Variants in FASN observed in about 807,000 individuals in gnomAD.
FASN encodes fatty acid synthase.
Under a neutral mutation model 250.0 loss-of-function variants are expected in FASN, and 50 were observed. The observed-to-expected ratio is 0.20, with a 90% CI of 0.16 to 0.25. The LOEUF (loss-of-function observed/expected upper bound fraction) is 0.25. Ranked by LOEUF, FASN falls within the 10% of genes least tolerant of loss-of-function variation. FASN has a pLI of 1.00. For synonymous variants in FASN, 1,909 were observed against 1,584.0 expected, an observed-to-expected ratio of 1.21 and a Z score of -4.87; for missense variants, 3,031 against 3,498.5, an observed-to-expected ratio of 0.87 and a Z score of 3.37.
At position 82,092,958 on chromosome 17, in the gene FASN, G is replaced by A. The variant is rs138143493; in HGVS notation, c.717C>T (p.Ala239=). ...TCAGGATGGTGGCGTACACCCGCCG[G>A]GCCAGGGACTTCTTGGTCAGCAGGA... The part of the protein sequence containing the change: ...VAVLLTKKSL[A]RRVYATILNA... Residue 239 remains alanine, a synonymous_variant, in exon 6 of 43, where the codon GCC becomes GCT. Transcript: ENST00000306749. 3.9e-5 allele frequency: 63 copies of A among 1,611,698 alleles called. No individual in the cohort carries two copies. The African/African-American group carries it at 6.5e-4, about 17-fold the overall frequency.
chr17:82,079,245 C>A lies in FASN; in HGVS notation c.7434G>T (p.Glu2478Asp). Residue 2478 changes from glutamate (E) to aspartate (D), a missense_variant, in exon 43 of 43, where the codon GAG becomes GAT. Coordinates refer to ENST00000306749, the MANE Select transcript of FASN (RefSeq NM_004104.5). Reference protein sequence around the residue: ...CDGKVSVHVIEGDHRTLLEGS... With the variant: ...CDGKVSVHVIDGDHRTLLEGS... ...CCTCCAGCAGCGTGCGGTGGTCACC[C>A]TCGATGACGTGGACGGATACTTTCC... The A allele has an allele frequency of 1.2e-6, 2 of 1,613,040 alleles. No homozygotes were observed. The highest frequency in any genetic ancestry group is 1.7e-6 in the Non-Finnish European group (2 of 1,179,964).
rs774437854 is a variant in FASN at position 82,086,244 on chromosome 17, A to G, written c.3732+10T>C. ...CGGGGCAGAGGCCTGGCTGCCCAGGAGGCACCCACCTCCACCACCTTCATC... is the reference window on the plus strand; with the variant it reads ...CGGGGCAGAGGCCTGGCTGCCCAGGGGGCACCCACCTCCACCACCTTCATC... On this transcript the variant is annotated intron_variant, in intron 22 of 42. Transcript: ENST00000306749. 7 of 1,552,836 alleles carry G rather than the reference A, an allele frequency of 4.5e-6. No homozygotes were observed. In the South Asian group the frequency reaches 5.8e-5, roughly 13 times the overall value.
At position 82,081,733 on chromosome 17, in the gene FASN, G is replaced by A. The variant is rs778176320; in HGVS notation, c.6274C>T (p.Leu2092=). 2.5e-6 allele frequency: 4 copies of A among 1,612,728 alleles called. No homozygotes were observed. The highest frequency in any genetic ancestry group is 4.5e-5 in the East Asian group (2 of 44,878). ...TTCAGGAAGAGGTCCAGCACCTCCAGGCAGGACGCCATGCGCTGGGGCAGC... is the reference window on the plus strand; with the variant it reads ...TTCAGGAAGAGGTCCAGCACCTCCAAGCAGGACGCCATGCGCTGGGGCAGC... ...GTLPQRMASC[L]EVLDLFLNQP... Residue 2092 remains leucine (L), a synonymous_variant, in exon 37 of 43, where the codon CTG becomes TTG. Coordinates refer to ENST00000306749, the MANE Select transcript of FASN (RefSeq NM_004104.5).
intron 8 of FASN, 75 bp from the exon 9 acceptor site, chr17:82,091,759 C>T (rs1344590271): frequency 3.0e-6 from 4 of 1,346,292 alleles, no homozygotes; most frequent in African/African-American, 1.5e-5. Flanking sequence ...AGGCACCTCC[C>T]CGAGACTCTC....
chr17:82,089,832 G>A (rs2034172042), intron 11 of FASN, 106 bp from the exon 12 acceptor site: 5 of 984,764 alleles, frequency 5.1e-6, no homozygotes, highest in Admixed American at 4.0e-5. Flanking sequence ...GACAAGTGTG[G>A]TAATGGCAGC....
Position 82,084,788 on chromosome 17 carries a change from C to T in FASN, c.4564+11G>A, listed in dbSNP as rs535925402. ...TCTCCCGGGAGGGGCAGGGCAGTGT[C>T]GGGGGCTCACCCTCCTCCAGCAGGA... On this transcript the variant is annotated intron_variant, in intron 26 of 42. Coordinates refer to ENST00000306749, the MANE Select transcript of FASN (RefSeq NM_004104.5). 108 of 1,549,970 alleles carry T rather than the reference C, an allele frequency of 7.0e-5. No homozygotes were observed. The highest frequency in any genetic ancestry group is 8.0e-5 in the Non-Finnish European group (92 of 1,147,014).
intron 1 of FASN, chr17:82,096,893 G>C (rs891640925): frequency 7.0e-6 from 2 of 284,978 alleles, no homozygotes; most frequent in African/African-American, 4.4e-5. Flanking sequence ...TGGGGACAAG[G>C]CCTCAGGTGG....
chr17:82,088,866 T>C lies in FASN; in HGVS notation c.2315A>G (p.Lys772Arg), dbSNP rs777552567. 23 of 1,612,350 alleles carry C rather than the reference T, an allele frequency of 1.4e-5. No individual in the cohort carries two copies. Among genetic ancestry groups the C allele is most frequent in the African/African-American group, 8.0e-5 (6 of 74,898 alleles). Residue 772 changes from lysine (K) to arginine (R), a missense_variant, in exon 15 of 43, where the codon AAG (lysine) becomes AGG (arginine). Lys to Arg is a conservative substitution (Grantham distance 26). Transcript: ENST00000306749. ...GGTGCAGCTCGGCTTCAGGCCACGC[T>C]TCAGGACAGCCTGGGGGCGGCAGGG... Reference protein sequence around the residue: ...APHALLQAVLKRGLKPSCTII... With the variant: ...APHALLQAVLRRGLKPSCTII...
At position 82,097,995 on chromosome 17, in the gene FASN, C is replaced by T. The variant is rs375135825; in HGVS notation, c.-8+126G>A. 60 of 293,922 alleles carry T rather than the reference C, an allele frequency of 2.0e-4. No homozygotes were observed. The East Asian group carries it at 2.3e-3, about 11-fold the overall frequency. 18.2% of individuals were successfully genotyped at this position (293,922 alleles called of 1,614,324 possible). A position where few individuals can be genotyped will look rare whatever the true frequency, so the allele number is the denominator to read the frequency against. On this transcript the variant is annotated intron_variant, in intron 1 of 42. Coordinates refer to ENST00000306749, the MANE Select transcript of FASN (RefSeq NM_004104.5). ...GACCCGGACAGGCCGCCCAGGCGAC[C>T]CCTGGATACGGGGCCGGGCCACGCG...
chr17:82,088,038 C>A lies in FASN; in HGVS notation c.2786-4G>T, dbSNP rs1270745643. ...CGTACCTCCAGGGACACTGTCCCTG[C>A]AGAGCGGGAGAGTTGGAGATCAGAG... On this transcript the variant is annotated splice_polypyrimidine_tract_variant and splice_region_variant and intron_variant, in intron 17 of 42. Coordinates refer to ENST00000306749, the MANE Select transcript of FASN (RefSeq NM_004104.5). The A allele has an allele frequency of 6.2e-7, 1 of 1,612,448 alleles. No individual in the cohort carries two copies. The highest frequency in any genetic ancestry group is 8.5e-7 in the Non-Finnish European group (1 of 1,179,788).
chr17:82,096,663 A>G, intron 1 of FASN: 1 of 677,570 alleles, frequency 1.5e-6, no homozygotes, highest in Non-Finnish European at 2.5e-6. Context: ...CTCTGGGAAC[A>G]GGCCCGCCTC....
rs1004591366 is a variant in FASN, at chr17:82,090,862, G to C, written c.1680+20C>G. 1.9e-6 allele frequency: 3 copies of C among 1,565,192 alleles called. No homozygotes were observed. The highest frequency in any genetic ancestry group is 1.7e-6 in the Non-Finnish European group (2 of 1,156,086). On this transcript the variant is annotated intron_variant, in intron 10 of 42. Transcript: ENST00000306749. ...GCCCTGGGGCTGGCGTTGCTCACAC[G>C]CTGGCAGGCTGGGCCCTACCTGGAT...
In FASN at chr17:82,079,261, GATACTTTCCCGTCGC is replaced by G; in HGVS notation, c.7403_7417del (p.Cys2468_Val2472del). On this transcript the variant is annotated inframe_deletion, in exon 43 of 43. Transcript: ENST00000306749. ...GTGGTCACCCTCGATGACGTGGACG[GATACTTTCCCGTCGC>G]ATACCTGCAGGGGATGCGATCAGCT... 6.2e-7 allele frequency: 1 copy of G among 1,613,064 alleles called. No homozygotes were observed. The highest frequency in any genetic ancestry group is 1.3e-5 in the African/African-American group (1 of 75,064).
At position 82,079,253 on chromosome 17, in the gene FASN, C is replaced by T. The variant is rs1140623; in HGVS notation, c.7426G>A (p.Val2476Ile). ...QVCDGKVSVHVIEGDHRTLLE... is the reference protein window; with the variant it reads ...QVCDGKVSVHIIEGDHRTLLE... ...AGCGTGCGGTGGTCACCCTCGATGA[C>T]GTGGACGGATACTTTCCCGTCGCAT... Residue 2476 changes from valine to isoleucine, a missense_variant, in exon 43 of 43, where the codon GTC (valine) becomes ATC (isoleucine). Val to Ile is a conservative substitution (Grantham distance 29). Transcript: ENST00000306749. The T allele has an allele frequency of 1.1e-5, 18 of 1,612,920 alleles. No homozygotes were observed. Among genetic ancestry groups the T allele is most frequent in the Middle Eastern group, 3.3e-4 (2 of 6,084 alleles).
chr17:82,086,934 A>T, intron 21 of FASN, 116 bp downstream of exon 21: 1 of 1,145,132 alleles, frequency 8.7e-7, no homozygotes, highest in Non-Finnish European at 1.3e-6. Context: ...GGGTTGGGCT[A>T]GGGTTGCTGA....
At chr17:82,084,996 T>TG (rs753883538) in intron 25 of FASN, 39 bp downstream of exon 25, 17 of 1,579,790 alleles carry the variant, frequency 1.1e-5, no homozygotes, top group Non-Finnish European at 1.5e-5. Flanking sequence ...ATGGGGAGGC[T>TG]GGTGGGGAAG....
chr17:82,092,712 G>A lies in FASN; in HGVS notation c.879C>T (p.His293=), dbSNP rs540008681. The change falls in exon 7 of 43, where the codon CAC becomes CAT. Residue 293 remains histidine (H), a synonymous_variant. Transcript: ENST00000306749. ...APESFEYIEA[H]GTGTKVGDPQ... ...GGGGCATCACCTTGGTGCCTGTGCC[G>A]TGGGCTTCGATGTATTCAAATGACT... 4.0e-5 allele frequency: 64 copies of A among 1,596,558 alleles called. No individual in the cohort carries two copies. The highest frequency in any genetic ancestry group is 2.7e-4 in the African/African-American group (20 of 74,700).
At position 82,089,184 on chromosome 17, in the gene FASN, G is replaced by A; in HGVS notation, c.2101-12C>T. ...GGCTCCCGGATCACCTGCATGAGGG[G>A]CCAGGTCAGTGCTGGGTTGTGGGTC... On this transcript the variant is annotated splice_polypyrimidine_tract_variant and intron_variant, in intron 13 of 42. Coordinates refer to ENST00000306749, the MANE Select transcript of FASN (RefSeq NM_004104.5). 1.3e-6 allele frequency: 2 copies of A among 1,592,016 alleles called. No homozygotes were observed. Among genetic ancestry groups the A allele is most frequent in the Non-Finnish European group, 1.7e-6 (2 of 1,169,730 alleles).
In FASN at chr17:82,093,764, G is replaced by A. The variant is rs1598584179; in HGVS notation, c.288C>T (p.Asn96=). The A allele has an allele frequency of 6.2e-7, 1 of 1,612,444 alleles. No individual in the cohort carries two copies. The highest frequency in any genetic ancestry group is 8.5e-7 in the Non-Finnish European group (1 of 1,179,848). The change falls in exon 4 of 43, where the codon AAC becomes AAT. Residue 96 remains asparagine, a synonymous_variant. Coordinates refer to ENST00000306749, the MANE Select transcript of FASN (RefSeq NM_004104.5). Reference sequence around the variant, plus strand: ...TGTGTGTTCCTCGGAGTGAATCTGGGTTGATGCCTGCCACAAACAGTGGTC... The same window carrying A: ...TGTGTGTTCCTCGGAGTGAATCTGGATTGATGCCTGCCACAAACAGTGGTC... ...TYEAIVDGGI[N]PDSLRGTHTG... is the part of the protein sequence containing the mutation.
Sources: gnomAD v4.1 joint callset for allele counts on GRCh38, gnomAD v4.1.1 for gene constraint, MANE v1.5 for transcripts, NCBI Gene and HGNC (gene_info 2026-07-23, HGNC 2026-07-21) for gene names.